The following LILRB1 variants were observed in gnomAD, a reference collection of about 807,000 sequenced individuals.
LILRB1 encodes the protein leukocyte immunoglobulin like receptor B1, also known as leukocyte immunoglobulin-like receptor subfamily B member 1.
In LILRB1, 59 loss-of-function variants were observed where a neutral mutation model predicts 74.6. The observed-to-expected ratio is 0.79, with a 90% CI of 0.64 to 0.98. The LOEUF is 0.98. Ranked by LOEUF, LILRB1 falls within the 50% of genes least tolerant of loss-of-function variation. The pLI, the probability that LILRB1 is intolerant of heterozygous loss-of-function variation, is 0.00. For synonymous variants in LILRB1, 328 were observed against 333.9 expected (o/e 0.98, Z 0.19); for missense variants, 804 against 822.6 (o/e 0.98, Z 0.28).
chr19:54,619,434 CCAAA>C (rs1489422179), intron 1 of LILRB1, among the ~76,000 whole-genome samples: 45 of 152,128 alleles, frequency 3.0e-4, no homozygotes, highest in Middle Eastern at 6.8e-3. Context: ...ACACCCTAAT[CCAAA>C]ACTAAATAAT....
chr19:54,627,521 C>CA (rs1455449026), upstream of LILRB1, among the ~76,000 whole-genome samples: 100 of 151,742 alleles, frequency 6.6e-4, no homozygotes, highest in South Asian at 0.015. Context: ...GTCCTTCACC[C>CA]CCTCCTGCTT....
intron 13 of LILRB1, chr19:54,636,186 A>C (rs939152038): frequency 6.4e-5 from 37 of 582,514 alleles, no homozygotes; most frequent in Middle Eastern, 6.4e-4. Context: ...GCCTGGACAG[A>C]GTGGGGCACA....
chr19:54,626,240 T>C (rs1210273135), upstream of LILRB1, among the ~76,000 whole-genome samples: 1 of 152,264 alleles, frequency 6.6e-6, no homozygotes, highest in Non-Finnish European at 1.5e-5. Context: ...CATTTGAGAA[T>C]AATTTTCATT....
rs746061936 is a variant in LILRB1 at position 54,635,189 on chromosome 19, C to T, written c.1562+10C>T. The T allele has an allele frequency of 1.3e-5, 21 of 1,598,328 alleles. No individual in the cohort carries two copies. In the Admixed American group the frequency reaches 2.9e-4, roughly 22 times the overall value. On this transcript the variant is annotated intron_variant, in intron 11 of 14. Coordinates refer to ENST00000324602, the MANE Select transcript of LILRB1 (RefSeq NM_001081637.3). ...GAGGCCTGCAGTGGAGGTAATTCTG[C>T]CCGAAGACCCCAGACTCCCACCTGC...
At chr19:54,634,116 T>G in intron 9 of LILRB1, 95 bp downstream of exon 9, 14 of 1,540,832 alleles carry the variant, frequency 9.1e-6, no homozygotes, top group Non-Finnish European at 1.2e-5. Context: ...GGTGGTGATA[T>G]AGACAGGCTC....
upstream of LILRB1, among the ~76,000 whole-genome samples, chr19:54,626,413 A>G (rs1350229829): frequency 6.6e-6 from 1 of 152,222 alleles, no homozygotes; most frequent in Non-Finnish European, 1.5e-5. Context: ...TTTACTGAAT[A>G]ACGTACTCCT....
chr19:54,621,390 C>G (rs1474630129), intron 1 of LILRB1, among the ~76,000 whole-genome samples: 1 of 152,170 alleles, frequency 6.6e-6, no homozygotes, highest in African/African-American at 2.4e-5. Context: ...AGTTGATACT[C>G]AGTGTGGTTT....
In LILRB1 at chr19:54,631,643, C is replaced by T. The variant is rs148931844; in HGVS notation, c.214C>T (p.Arg72Trp). Residue 72 changes from arginine to tryptophan, a missense_variant, in exon 4 of 15, where the codon CGG becomes TGG. Coordinates refer to ENST00000324602, the MANE Select transcript of LILRB1 (RefSeq NM_001081637.3). ...AAAGAAAACAGCACCCTGGATTACA[C>T]GGATCCCACAGGAGCTTGTGAAGAA... ...REKKTAPWIT[R>W]IPQELVKKGQ... The T allele has an allele frequency of 5.3e-4, 858 of 1,614,124 alleles. No individual in the cohort carries two copies. The African/African-American group carries it at 9.9e-3, about 19-fold the overall frequency.
rs2063787141 is a variant in LILRB1, at chr19:54,631,045, C to A, written c.-29C>A. On this transcript the variant is annotated 5_prime_UTR_variant, in exon 2 of 15. Coordinates refer to ENST00000324602, the MANE Select transcript of LILRB1 (RefSeq NM_001081637.3). ...TGCCAGCACCGAGGGCTCATCCATC[C>A]ACAGAGCAGGGCAGTGGGAGGAGAC... The A allele has an allele frequency of 6.2e-7, 1 of 1,614,144 alleles. No homozygotes were observed. Among genetic ancestry groups the A allele is most frequent in the African/African-American group, 1.3e-5 (1 of 74,960 alleles).
intron 1 of LILRB1, among the ~76,000 whole-genome samples, chr19:54,619,041 A>G (rs1249958958): frequency 6.6e-6 from 1 of 152,170 alleles, no homozygotes; most frequent in Non-Finnish European, 1.5e-5. Flanking sequence ...TTTAAAAAAC[A>G]ATTCTTATTA....
At chr19:54,631,351 G>A (rs571169021) in intron 3 of LILRB1, 45 bp downstream of exon 3, 1 of 1,613,414 alleles carries the variant, frequency 6.2e-7, no homozygotes, top group East Asian at 2.2e-5. Flanking sequence ...CCTCACTGGG[G>A]ACAAGGGGCC....
rs780538983 is a variant in LILRB1, at chr19:54,636,549, C to A, written c.1709C>A (p.Ser570Tyr). ...GTGACGTATGCCGAGGTGAAACACT[C>A]CAGACCTAGGAGAGAAATGGCCTCT... ...QAVTYAEVKH[S>Y]RPRREMASPP... The change falls in exon 14 of 15, where the codon TCC (serine) becomes TAC (tyrosine). Residue 570 changes from serine to tyrosine, a missense_variant. By Grantham distance (144) the Ser-to-Tyr change is moderately radical. Transcript: ENST00000324602. 6 of 1,611,784 alleles carry A rather than the reference C, an allele frequency of 3.7e-6. No individual in the cohort carries two copies. Among genetic ancestry groups the A allele is most frequent in the Non-Finnish European group, 5.1e-6 (6 of 1,179,782 alleles).
chr19:54,621,274 T>G (rs576712522), intron 1 of LILRB1, among the ~76,000 whole-genome samples: 3 of 152,354 alleles, frequency 2.0e-5, no homozygotes, highest in African/African-American at 7.2e-5. Context: ...GATAGCTCCA[T>G]ATTATTTTCC....
In LILRB1 at chr19:54,633,676, A is replaced by G. The variant is rs774740219; in HGVS notation, c.1300A>G (p.Thr434Ala). Residue 434 changes from threonine (T) to alanine (A), a missense_variant, in exon 8 of 15, where the codon ACC becomes GCC. Transcript: ENST00000324602. ...GGPSSPTTGP[T>A]STSAGPEDQP... The stretch of plus-strand genomic sequence containing the variant: ...CCCCAGCTCCCCGACAACAGGCCCC[A>G]CCTCCACATCTGGTGAGTCCCTGAG... 6.2e-7 allele frequency: 1 copy of G among 1,613,422 alleles called. No individual in the cohort carries two copies. The highest frequency in any genetic ancestry group is 1.7e-5 in the Admixed American group (1 of 59,980).
rs200490901 is a variant in LILRB1 at position 54,636,553 on chromosome 19, A to T, written c.1713A>T (p.Arg571Ser). The T allele has an allele frequency of 4.4e-4, 714 of 1,608,120 alleles. 4 individuals carry two copies. In the East Asian group the frequency reaches 7.1e-3, roughly 16 times the overall value. Residue 571 changes from arginine (R) to serine (S), a missense_variant, in exon 14 of 15, where the codon AGA (arginine) becomes AGT (serine). Arg to Ser is a moderately radical substitution (Grantham distance 110). Coordinates refer to ENST00000324602, the MANE Select transcript of LILRB1 (RefSeq NM_001081637.3). ...AVTYAEVKHS[R>S]PRREMASPPS... The stretch of plus-strand genomic sequence containing the variant: ...CGTATGCCGAGGTGAAACACTCCAG[A>T]CCTAGGAGAGAAATGGCCTCTCCTC...
In LILRB1 at chr19:54,630,887, C is replaced by T. The variant is rs73939050; in HGVS notation, c.-48-139C>T. On this transcript the variant is annotated intron_variant, in intron 1 of 14. Transcript: ENST00000324602. ...CAGAGGGCCTAGTGACTGCCCCCACCTCAGCCCTAATGGAATGAGAGCAAG... is the reference window on the plus strand; with the variant it reads ...CAGAGGGCCTAGTGACTGCCCCCACTTCAGCCCTAATGGAATGAGAGCAAG... 5.0e-4 allele frequency: 642 copies of T among 1,275,292 alleles called. 2 individuals are homozygous for T. In the African/African-American group the frequency reaches 8.8e-3, roughly 18 times the overall value. 79.0% of individuals were successfully genotyped at this position (1,275,292 alleles called of 1,614,324 possible).
In LILRB1 at chr19:54,636,620, C is replaced by A; in HGVS notation, c.1780C>A (p.Gln594Lys). The change falls in exon 14 of 15, where the codon CAG becomes AAG. Residue 594 changes from glutamine (Q) to lysine (K), a missense_variant. Physicochemically the swap from Gln to Lys is moderately conservative, Grantham distance 53. Transcript: ENST00000324602. ...GGAATTCCTGGACACAAAGGACAGACAGGCGGAAGAGGACAGGCAGATGGA... is the reference window on the plus strand; with the variant it reads ...GGAATTCCTGGACACAAAGGACAGAAAGGCGGAAGAGGACAGGCAGATGGA... ...SGEFLDTKDR[Q>K]AEEDRQMDTE... 2 of 1,610,226 alleles carry A rather than the reference C, an allele frequency of 1.2e-6. No individual in the cohort carries two copies. Among genetic ancestry groups the A allele is most frequent in the South Asian group, 2.2e-5 (2 of 90,936 alleles).
upstream of LILRB1, among the ~76,000 whole-genome samples, chr19:54,627,269 A>G (rs921702297): frequency 1.3e-5 from 2 of 152,198 alleles, no homozygotes; most frequent in Admixed American, 6.5e-5. Flanking sequence ...TTTGCTAAAG[A>G]GGTAGAAACA....
At position 54,636,539 on chromosome 19, in the gene LILRB1, G is replaced by A. The variant is rs1182318763; in HGVS notation, c.1699G>A (p.Val567Met). 6.8e-6 allele frequency: 11 copies of A among 1,611,784 alleles called. No individual in the cohort carries two copies. In the East Asian group the frequency reaches 2.5e-4, roughly 36 times the overall value. ...EDPQAVTYAE[V>M]KHSRPRREMA... ...CCCCCAGGCAGTGACGTATGCCGAG[G>A]TGAAACACTCCAGACCTAGGAGAGA... The change falls in exon 14 of 15, where the codon GTG (valine) becomes ATG (methionine). Residue 567 changes from valine (V) to methionine (M), a missense_variant. Coordinates refer to ENST00000324602, the MANE Select transcript of LILRB1 (RefSeq NM_001081637.3).
Sources: allele counts gnomAD v4.1 joint callset (sites outside exome capture counted in the v4.1 genomes callset), GRCh38; gene constraint gnomAD v4.1.1; transcripts MANE v1.5; gene names NCBI Gene and HGNC (gene_info 2026-07-23, HGNC 2026-07-21).